The following GALNT13 variants were observed in gnomAD, a reference collection of about 807,000 sequenced individuals.
The protein encoded by GALNT13 is UDP-GalNAc:polypeptide N-acetylgalactosaminyltransferase 13.
A neutral mutation model predicts 64.2 loss-of-function variants in GALNT13; 28 were observed. The ratio of observed to expected loss-of-function variants is 0.44; its 90% CI spans 0.32 to 0.60. GALNT13 has a LOEUF of 0.60. Among genes scored for constraint, GALNT13 ranks in the 20% least tolerant of loss-of-function variants. The pLI is 0.05. For missense variants in GALNT13, 577 were observed against 669.8 expected (o/e 0.86, Z 1.53); for synonymous variants, 214 against 224.6 (o/e 0.95, Z 0.42).
chr2:154,203,004 C>G (rs1238978231), intron 4 of GALNT13, among the ~76,000 whole-genome samples: 2 of 152,084 alleles, frequency 1.3e-5, no homozygotes, highest in Admixed American at 6.6e-5. Flanking sequence ...AGCCGTTAAT[C>G]TAGATTTTAT....
chr2:153,697,826 C>T, the GALNT13 span, among the ~76,000 whole-genome samples: 3 of 152,200 alleles, frequency 2.0e-5, no homozygotes, highest in Admixed American at 6.5e-5. Flanking sequence ...TGTGTTTTAA[C>T]ACTCACTTGC....
At chr2:154,045,783 TAACAAACC>T (rs1699247727) in intron 3 of GALNT13, among the ~76,000 whole-genome samples, 1 of 152,160 alleles carries the variant, frequency 6.6e-6, no homozygotes, top group Non-Finnish European at 1.5e-5. Flanking sequence ...AACGAAGCAA[TAACAAACC>T]AACAAACCAG....
the GALNT13 span, among the ~76,000 whole-genome samples, chr2:153,393,688 AT>A: frequency 6.6e-6 from 1 of 151,986 alleles, no homozygotes; most frequent in Non-Finnish European, 1.5e-5. Context: ...AAGTCACTAG[AT>A]TTTGAGTAAG....
chr2:154,325,350 A>G (rs563283830), intron 9 of GALNT13, among the ~76,000 whole-genome samples: 1 of 152,216 alleles, frequency 6.6e-6, no homozygotes, highest in South Asian at 2.1e-4. Context: ...CTCTGTTACC[A>G]GAATTCTCCA....
the GALNT13 span, among the ~76,000 whole-genome samples, chr2:153,680,961 G>C: frequency 2.0e-5 from 3 of 152,086 alleles, no homozygotes; most frequent in African/African-American, 7.2e-5. Flanking sequence ...TTCGGATAAT[G>C]CCTTATTTTC....
Position 153,982,162 on chromosome 2 carries a change from G to A in GALNT13, c.142+37523G>A, listed in dbSNP as rs191080137. On this transcript the variant is annotated intron_variant, in intron 3 of 12. Coordinates refer to ENST00000392825, the MANE Select transcript of GALNT13 (RefSeq NM_052917.4). Reference sequence around the variant, plus strand: ...ACTATAATCCACAAGAACAAACACAGTACCAACATTTATCATTTTAGTTAA... The same window carrying A: ...ACTATAATCCACAAGAACAAACACAATACCAACATTTATCATTTTAGTTAA... 6.9e-4 allele frequency among the ~76,000 whole-genome samples: 105 copies of A among 152,114 alleles called. 1 individual carries two copies. The highest frequency in any genetic ancestry group is 7.4e-5 in the Non-Finnish European group (5 of 67,984).
At chr2:154,204,503 A>AT (rs1487690439) in intron 4 of GALNT13, among the ~76,000 whole-genome samples, 1 of 152,150 alleles carries the variant, frequency 6.6e-6, no homozygotes, top group Non-Finnish European at 1.5e-5. Flanking sequence ...GGACTTTAAT[A>AT]TTTTTTAAGA....
chr2:154,394,373 C>T (rs888392189), intron 9 of GALNT13, among the ~76,000 whole-genome samples: 5 of 152,054 alleles, frequency 3.3e-5, no homozygotes, highest in Non-Finnish European at 5.9e-5. Context: ...CACAAAGAAA[C>T]CCTTCTAGGA....
At chr2:153,097,897 C>G in the GALNT13 span, among the ~76,000 whole-genome samples, 133 of 152,252 alleles carry the variant, frequency 8.7e-4, 2 homozygotes, top group East Asian at 0.023. Flanking sequence ...GAAACCCCCT[C>G]TCTGCTAGAA....
intron 3 of GALNT13, among the ~76,000 whole-genome samples, chr2:153,959,357 A>C (rs185320171): frequency 1.8e-4 from 28 of 152,356 alleles, no homozygotes; most frequent in African/African-American, 6.5e-4. Flanking sequence ...GAGTCAACAC[A>C]ACAGGGGACC....
At chr2:154,002,572 C>T (rs2105224630) in intron 3 of GALNT13, among the ~76,000 whole-genome samples, 1 of 151,904 alleles carries the variant, frequency 6.6e-6, no homozygotes, top group South Asian at 2.1e-4. Flanking sequence ...TACATATTTT[C>T]TTGTGATTCT....
chr2:153,700,528 A>C, the GALNT13 span, among the ~76,000 whole-genome samples: 3 of 152,150 alleles, frequency 2.0e-5, no homozygotes, highest in African/African-American at 7.2e-5. Flanking sequence ...AGGGTATTCA[A>C]GTAGGAAGAG....
intron 3 of GALNT13, among the ~76,000 whole-genome samples, chr2:153,973,752 C>T (rs1693894957): frequency 6.6e-6 from 1 of 151,934 alleles, no homozygotes. Context: ...TCCTTTCCTC[C>T]TTTTACTTTT....
At chr2:153,439,532 C>T in the GALNT13 span, among the ~76,000 whole-genome samples, 1 of 152,164 alleles carries the variant, frequency 6.6e-6, no homozygotes, top group Non-Finnish European at 1.5e-5. Context: ...GTGCCCCTCC[C>T]CCAGCATTGC....
At chr2:154,340,719 T>C (rs1333467750) in intron 9 of GALNT13, among the ~76,000 whole-genome samples, 3 of 152,134 alleles carry the variant, frequency 2.0e-5, no homozygotes, top group Admixed American at 2.0e-4. Flanking sequence ...GTAAATGTAA[T>C]TGAGTTATTG....
chr2:153,800,315 C>T, the GALNT13 span, among the ~76,000 whole-genome samples: 3 of 151,988 alleles, frequency 2.0e-5, no homozygotes. Flanking sequence ...ATAAAAAATC[C>T]TAATGATCAT....
At chr2:153,917,896 A>ATC (rs1689494333) in intron 2 of GALNT13, among the ~76,000 whole-genome samples, 1 of 3,714 alleles carries the variant, frequency 2.7e-4, no homozygotes, top group African/African-American at 2.9e-4. Context: ...TTAGGCAGTT[A>ATC]TCTGTTAATC....
chr2:154,407,873 G>C (rs569672024), intron 10 of GALNT13, among the ~76,000 whole-genome samples: 6 of 152,148 alleles, frequency 3.9e-5, no homozygotes, highest in Non-Finnish European at 7.4e-5. Context: ...CTAGTACTTG[G>C]CCATGAGGTT....
intron 11 of GALNT13, among the ~76,000 whole-genome samples, chr2:154,410,559 A>T (rs528525276): frequency 6.6e-6 from 1 of 151,828 alleles, no homozygotes; most frequent in African/African-American, 2.4e-5. Flanking sequence ...GCCTTCCTAG[A>T]GGCTCTACAC....
Sources: gnomAD v4.1 joint callset for allele counts (sites outside exome capture counted in the v4.1 genomes callset) on GRCh38, gnomAD v4.1.1 for gene constraint, MANE v1.5 for transcripts, NCBI Gene and HGNC (gene_info 2026-07-23, HGNC 2026-07-21) for gene names.